KCTD8: variants seen among roughly 807,000 people sequenced by gnomAD.
The protein encoded by KCTD8 is potassium channel tetramerization domain containing 8.
Under a neutral mutation model 31.5 loss-of-function variants are expected in KCTD8, and 27 were observed. The observed-to-expected ratio is 0.86, with a 90% confidence interval of 0.63 to 1.18. The LOEUF (loss-of-function observed/expected upper bound fraction) is 1.18. Ranked by LOEUF, KCTD8 falls within the 50% of genes most tolerant of loss-of-function variation. The pLI is 0.00. For missense variants in KCTD8, 658 were observed against 647.7 expected (o/e 1.02, Z -0.17); for synonymous variants, 290 against 280.0 (o/e 1.04, Z -0.36).
At chr4:44,364,634 G>A (rs1038500783) in intron 1 of KCTD8, among the ~76,000 whole-genome samples, 1 of 152,104 alleles carries the variant, frequency 6.6e-6, no homozygotes, top group African/African-American at 2.4e-5. Flanking sequence ...AGCAATCATA[G>A]TCACAATTTC....
chr4:44,249,818 T>C (rs1379994166), intron 1 of KCTD8, among the ~76,000 whole-genome samples: 2 of 151,458 alleles, frequency 1.3e-5, no homozygotes, highest in East Asian at 3.9e-4. Flanking sequence ...TCCCTTCTTT[T>C]CTTTCTCTAC....
chr4:44,407,142 A>G (rs1697417417), intron 1 of KCTD8, among the ~76,000 whole-genome samples: 1 of 152,088 alleles, frequency 6.6e-6, no homozygotes, highest in African/African-American at 2.4e-5. Context: ...TCAATTCAAT[A>G]TTATCATGAT....
chr4:44,295,558 ATATT>A (rs1420583389), intron 1 of KCTD8, among the ~76,000 whole-genome samples: 1 of 152,128 alleles, frequency 6.6e-6, no homozygotes, highest in Non-Finnish European at 1.5e-5. Context: ...GTACCTGAGT[ATATT>A]TATATTTCTT....
At chr4:44,331,402 A>G in intron 1 of KCTD8, among the ~76,000 whole-genome samples, 1 of 151,804 alleles carries the variant, frequency 6.6e-6, no homozygotes, top group East Asian at 1.9e-4. Flanking sequence ...TTACTGTAAA[A>G]TTATATTATT....
intron 1 of KCTD8, among the ~76,000 whole-genome samples, chr4:44,446,642 C>A (rs1721945456): frequency 1.3e-5 from 2 of 152,198 alleles, no homozygotes; most frequent in African/African-American, 2.4e-5. Flanking sequence ...ACCCCAGATG[C>A]TTTCCCAAAT....
intron 1 of KCTD8, among the ~76,000 whole-genome samples, chr4:44,290,760 TA>T (rs1447084136): frequency 2.0e-5 from 3 of 151,822 alleles, no homozygotes; most frequent in South Asian, 4.2e-4. Flanking sequence ...TCTATGAAAT[TA>T]AAAAAATTAG....
At chr4:44,362,191 C>T (rs866641397) in intron 1 of KCTD8, among the ~76,000 whole-genome samples, 2 of 152,082 alleles carry the variant, frequency 1.3e-5, no homozygotes, top group Admixed American at 6.5e-5. Context: ...GCCAGCCACA[C>T]GTAGGTGAGT....
chr4:44,272,121 T>TTTTATATATATATATATATATATATA (rs1716629803), intron 1 of KCTD8, among the ~76,000 whole-genome samples: 1 of 142,526 alleles, frequency 7.0e-6, no homozygotes, highest in African/African-American at 2.7e-5. Context: ...TGGTATTATA[T>TTTTATATATATATATATATATATATA]TATATATATA....
chr4:44,213,062 C>T (rs931773386), intron 1 of KCTD8, among the ~76,000 whole-genome samples: 1 of 151,980 alleles, frequency 6.6e-6, no homozygotes, highest in African/African-American at 2.4e-5. Flanking sequence ...CTCAGCCACC[C>T]GAGTAGCTGG....
At chr4:44,408,474 A>C (rs1229300687) in intron 1 of KCTD8, among the ~76,000 whole-genome samples, 1 of 152,224 alleles carries the variant, frequency 6.6e-6, no homozygotes, top group Non-Finnish European at 1.5e-5. Flanking sequence ...AAAACCAAAA[A>C]ACAAAAACAA....
At chr4:44,334,576 T>C (rs1160646806) in intron 1 of KCTD8, among the ~76,000 whole-genome samples, 2 of 152,106 alleles carry the variant, frequency 1.3e-5, no homozygotes, top group African/African-American at 4.8e-5. Flanking sequence ...TATAAATGTA[T>C]GAAAACATTT....
chr4:44,276,074 G>T (rs915722931), intron 1 of KCTD8, among the ~76,000 whole-genome samples: 2 of 151,958 alleles, frequency 1.3e-5, no homozygotes, highest in Non-Finnish European at 2.9e-5. Context: ...CCCAAGGGTG[G>T]TGTGGTAGAA....
chr4:44,448,496 C>A lies in KCTD8; in HGVS notation c.28G>T (p.Gly10Cys), dbSNP rs575851369. MALKDTGSGGSTILPISEMV... is the reference protein window; with the variant it reads MALKDTGSGCSTILPISEMV... ...TCGCTAATGGGCAGGATGGTGCTGC[C>A]GCCGCTGCCCGTGTCCTTCAGAGCC... Residue 10 changes from glycine (G) to cysteine (C), a missense_variant, in exon 1 of 2, where the codon GGC becomes TGC. By Grantham distance (159) the Gly-to-Cys change is radical (BLOSUM62 -3). Transcript: ENST00000360029. This position sits in a 1 kb window ranked among gnomAD's most constrained non-coding sequence, Gnocchi z 4.1. 9 of 1,495,278 alleles carry A rather than the reference C, an allele frequency of 6.0e-6. No individual in the cohort carries two copies. The highest frequency in any genetic ancestry group is 8.0e-6 in the Non-Finnish European group (9 of 1,127,370). The allele number at this position is 1,495,278 out of a possible 1,614,324, so 92.6% of individuals were successfully genotyped here.
At chr4:44,381,571 A>T (rs1288840493) in intron 1 of KCTD8, among the ~76,000 whole-genome samples, 1 of 152,066 alleles carries the variant, frequency 6.6e-6, no homozygotes, top group Non-Finnish European at 1.5e-5. Context: ...AGAGACAATT[A>T]TATTGTTTGG....
In KCTD8 at chr4:44,448,651, G is replaced by A. The variant is rs548935029; in HGVS notation, c.-128C>T. The A allele has an allele frequency of 1.9e-6, 2 of 1,055,954 alleles. No individual in the cohort carries two copies. Among genetic ancestry groups the A allele is most frequent in the South Asian group, 4.0e-5 (1 of 25,182 alleles). 65.4% of individuals were successfully genotyped at this position (1,055,954 alleles called of 1,614,324 possible). A position where few individuals can be genotyped will look rare whatever the true frequency, so the allele number is the denominator to read the frequency against. ...GACTGGGCGGCGCGTTCCTCCGACC[G>A]GGGCGGCCCCGCTCAGGGTTCGGGG... is the stretch of plus-strand genomic sequence containing the variant. On this transcript the variant is annotated 5_prime_UTR_variant, in exon 1 of 2. Coordinates refer to ENST00000360029, the MANE Select transcript of KCTD8 (RefSeq NM_198353.3). The surrounding 1 kb of genome is among the most constrained non-coding windows in gnomAD (Gnocchi z 4.1).
At chr4:44,282,550 G>A (rs563446386) in intron 1 of KCTD8, among the ~76,000 whole-genome samples, 29 of 152,154 alleles carry the variant, frequency 1.9e-4, no homozygotes, top group African/African-American at 6.7e-4. Context: ...AGCTAGAAAT[G>A]ATTAAGCTTA....
intron 1 of KCTD8, among the ~76,000 whole-genome samples, chr4:44,415,846 C>G (rs1721067403): frequency 2.0e-5 from 3 of 152,228 alleles, no homozygotes; most frequent in Non-Finnish European, 2.9e-5. Flanking sequence ...AAAGACTGTA[C>G]CAGGGCAATG....
intron 1 of KCTD8, among the ~76,000 whole-genome samples, chr4:44,328,124 A>G (rs1372427049): frequency 2.0e-5 from 3 of 151,990 alleles, no homozygotes; most frequent in African/African-American, 7.3e-5. Context: ...CATAATGATT[A>G]GAATTATTTC....
At chr4:44,380,116 T>C (rs1040588732) in intron 1 of KCTD8, among the ~76,000 whole-genome samples, 3 of 152,006 alleles carry the variant, frequency 2.0e-5, no homozygotes, top group African/African-American at 7.2e-5. Flanking sequence ...AACTTATCTA[T>C]AATTGTGAGC....
Sources: allele counts gnomAD v4.1 joint callset (sites outside exome capture counted in the v4.1 genomes callset), GRCh38; gene constraint gnomAD v4.1.1; non-coding constraint Gnocchi (gnomAD v3.1); transcripts MANE v1.5; gene names NCBI Gene and HGNC (gene_info 2026-07-23, HGNC 2026-07-21).